Variants in KIF26B observed in about 807,000 individuals in gnomAD.
The protein encoded by KIF26B is kinesin family member 26B, also known as kinesin-like protein KIF26B.
Under a neutral mutation model 151.2 loss-of-function variants are expected in KIF26B, and 63 were observed. That is an observed-to-expected ratio of 0.42 (90% CI 0.34 to 0.51). KIF26B has a LOEUF of 0.51. Ranked by LOEUF, KIF26B falls within the 20% of genes least tolerant of loss-of-function variation. KIF26B has a pLI of 0.07. For missense variants in KIF26B, 2,813 were observed against 2,913.6 expected (o/e 0.97, Z 0.79); for synonymous variants, 1,357 against 1,262.1 (o/e 1.08, Z -1.59).
chr1:245,438,298 C>T (rs767523070), intron 4 of KIF26B, among the ~76,000 whole-genome samples: 25 of 152,300 alleles, frequency 1.6e-4, no homozygotes, highest in Middle Eastern at 3.4e-3. Context: ...GAGGTTAAGA[C>T]TGAGCAGTCC....
At chr1:245,471,566 AT>A (rs1007768737) in intron 4 of KIF26B, among the ~76,000 whole-genome samples, 7 of 152,148 alleles carry the variant, frequency 4.6e-5, no homozygotes, top group African/African-American at 1.7e-4. Flanking sequence ...GAAAAGTTTT[AT>A]TTTACTGCAC....
chr1:245,370,766 G>C (rs1471567623), intron 3 of KIF26B: 2 of 387,764 alleles, frequency 5.2e-6, no homozygotes, highest in East Asian at 7.7e-5. Context: ...GGGATTATTT[G>C]TGCGTTTCTT....
intron 4 of KIF26B, among the ~76,000 whole-genome samples, chr1:245,474,791 G>GCTGCCC (rs1435256970): frequency 2.6e-5 from 4 of 151,504 alleles, no homozygotes; most frequent in Non-Finnish European, 5.9e-5. Context: ...TCCCATCCCC[G>GCTGCCC]CTGCCCATCC....
chr1:245,370,631 C>T (rs1017464123), intron 3 of KIF26B: 1 of 456,644 alleles, frequency 2.2e-6, no homozygotes, highest in South Asian at 1.5e-5. Flanking sequence ...TCGGCGGCTG[C>T]GCCAGCGCTG....
intron 2 of KIF26B, among the ~76,000 whole-genome samples, chr1:245,288,555 G>T (rs548614990): frequency 6.6e-6 from 1 of 152,322 alleles, no homozygotes; most frequent in East Asian, 1.9e-4. Context: ...GGTCCATCAG[G>T]GATGAAGTCT....
At chr1:245,636,391 T>C (rs1440893840) in intron 9 of KIF26B, among the ~76,000 whole-genome samples, 1 of 151,960 alleles carries the variant, frequency 6.6e-6, no homozygotes, top group Non-Finnish European at 1.5e-5. Context: ...ATCTTCAGTC[T>C]TTTTTGGCAT....
intron 10 of KIF26B, among the ~76,000 whole-genome samples, chr1:245,650,745 A>C (rs2044005907): frequency 6.6e-6 from 1 of 152,260 alleles, no homozygotes; most frequent in African/African-American, 2.4e-5. Flanking sequence ...TTTCTAAACA[A>C]CAGCTAGTTG....
chr1:245,180,287 G>A (rs1294639207), intron 2 of KIF26B, among the ~76,000 whole-genome samples: 2 of 114,884 alleles, frequency 1.7e-5, no homozygotes, highest in Admixed American at 1.1e-4. Context: ...AGATCCTGCA[G>A]GTAGCAGAGA....
chr1:245,362,179 A>G (rs906513066), intron 2 of KIF26B, among the ~76,000 whole-genome samples: 3 of 151,242 alleles, frequency 2.0e-5, no homozygotes, highest in African/African-American at 4.9e-5. Flanking sequence ...CATCAAGCAC[A>G]GGCGGATCAG....
intron 12 of KIF26B, among the ~76,000 whole-genome samples, chr1:245,689,557 ATTTC>A (rs1036773966): frequency 2.0e-5 from 3 of 152,078 alleles, no homozygotes; most frequent in Non-Finnish European, 2.9e-5. Context: ...AGTCTTTGCC[ATTTC>A]TTTTTTTCCT....
At chr1:245,587,598 G>A (rs1411087202) in intron 5 of KIF26B, among the ~76,000 whole-genome samples, 2 of 152,158 alleles carry the variant, frequency 1.3e-5, no homozygotes, top group Admixed American at 6.5e-5. Context: ...AAGATGAACT[G>A]TGCACAGTGC....
intron 5 of KIF26B, among the ~76,000 whole-genome samples, chr1:245,552,559 C>T (rs911875178): frequency 8.6e-5 from 13 of 152,034 alleles, no homozygotes; most frequent in African/African-American, 3.1e-4. Context: ...GATGATCCTT[C>T]CCATCCGTAT....
chr1:245,602,906 G>A lies in KIF26B; in HGVS notation c.1557+123G>A, dbSNP rs2043413176. ...GCATTCTGATGGACCAGTTCCTTCA[G>A]GAGTCAATCTGAGCTCCACCGAATG... is the stretch of plus-strand genomic sequence containing the variant. On this transcript the variant is annotated intron_variant, in intron 6 of 14. Transcript: ENST00000407071. The surrounding 1 kb of genome is among the most constrained non-coding windows in gnomAD (Gnocchi z 4.5). 1 of 856,154 alleles carries A rather than the reference G, an allele frequency of 1.2e-6. No individual in the cohort carries two copies. The highest frequency in any genetic ancestry group is 1.7e-5 in the African/African-American group (1 of 60,098). The allele number at this position is 856,154 out of a possible 1,614,324, so 53.0% of individuals were successfully genotyped here.
At position 245,375,835 on chromosome 1, in the gene KIF26B, C is replaced by T. The variant is rs529504372; in HGVS notation, c.999+8468C>T. ...GCAAGAACGTGGGCTTTTCATCTCA[C>T]ACAACAAACCCCGTTACCCTGCGGA... On this transcript the variant is annotated intron_variant, in intron 3 of 14. Transcript: ENST00000407071. The surrounding 1 kb of genome is among the most constrained non-coding windows in gnomAD (Gnocchi z 4.2). Among the ~76,000 whole-genome samples, 245 of 152,226 alleles carry T rather than the reference C, an allele frequency of 1.6e-3. 1 individual carries two copies. Among genetic ancestry groups the T allele is most frequent in the African/African-American group, 5.1e-3 (212 of 41,548 alleles).
intron 10 of KIF26B, among the ~76,000 whole-genome samples, chr1:245,663,384 G>C (rs1450399841): frequency 2.8e-4 from 22 of 78,804 alleles, no homozygotes; most frequent in Admixed American, 1.6e-3. Context: ...TTTGTCATTT[G>C]TGATCATTTT....
chr1:245,511,226 T>A, intron 4 of KIF26B: 1 of 682,242 alleles, frequency 1.5e-6, no homozygotes, highest in Non-Finnish European at 2.7e-6. Context: ...TTGAGAAAAG[T>A]AAAAATAAAA....
At chr1:245,664,008 G>A (rs2147935827) in intron 10 of KIF26B, among the ~76,000 whole-genome samples, 1 of 152,266 alleles carries the variant, frequency 6.6e-6, no homozygotes, top group East Asian at 1.9e-4. Context: ...AACTTCACTT[G>A]CTTTTTTTTG....
chr1:245,609,981 C>A (rs1179717285), intron 8 of KIF26B, among the ~76,000 whole-genome samples: 7 of 152,152 alleles, frequency 4.6e-5, no homozygotes, highest in African/African-American at 1.7e-4. Context: ...CTAATTAGAA[C>A]CGTGATATAA....
chr1:245,490,477 A>G (rs1660385463), intron 4 of KIF26B, among the ~76,000 whole-genome samples: 2 of 151,804 alleles, frequency 1.3e-5, no homozygotes, highest in Non-Finnish European at 2.9e-5. Flanking sequence ...ACGTCCAGCT[A>G]ATTTTTTGTA....
Sources: gnomAD v4.1 joint callset for allele counts (sites outside exome capture counted in the v4.1 genomes callset) on GRCh38, gnomAD v4.1.1 for gene constraint, Gnocchi (gnomAD v3.1) non-coding constraint, MANE v1.5 for transcripts, NCBI Gene and HGNC (gene_info 2026-07-23, HGNC 2026-07-21) for gene names.